CNTNAP5: variants seen among roughly 807,000 people sequenced by gnomAD.
CNTNAP5 encodes contactin associated protein family member 5, also known as contactin-associated protein-like 5.
A neutral mutation model predicts 150.2 loss-of-function variants in CNTNAP5; 72 were observed. The observed-to-expected ratio is 0.48, with a 90% CI of 0.40 to 0.58. The LOEUF is 0.58. CNTNAP5 is among the 20% of genes least tolerant of loss of function. CNTNAP5 has a pLI of 0.00. For missense variants in CNTNAP5, 1,636 were observed against 1,626.2 expected, an observed-to-expected ratio of 1.01 and a Z score of -0.10; for synonymous variants, 672 against 619.8, an observed-to-expected ratio of 1.08 and a Z score of -1.25.
At chr2:124,449,514 T>C (rs1692913285) in intron 6 of CNTNAP5, among the ~76,000 whole-genome samples, 1 of 152,186 alleles carries the variant, frequency 6.6e-6, no homozygotes, top group African/African-American at 2.4e-5. Flanking sequence ...CAAGCCCATG[T>C]CTGCTTATCT....
chr2:124,655,280 T>A (rs181180247), intron 13 of CNTNAP5, among the ~76,000 whole-genome samples: 8 of 152,222 alleles, frequency 5.3e-5, no homozygotes, highest in African/African-American at 1.9e-4. Context: ...TTGCTGAGAA[T>A]GTTGGTTTTC....
chr2:124,693,278 T>C (rs1249287192), intron 13 of CNTNAP5, among the ~76,000 whole-genome samples: 1 of 152,124 alleles, frequency 6.6e-6, no homozygotes, highest in African/African-American at 2.4e-5. Context: ...AAATGTATTC[T>C]TTGACTATGC....
chr2:124,465,467 G>A (rs1693355831), intron 6 of CNTNAP5, among the ~76,000 whole-genome samples: 1 of 152,146 alleles, frequency 6.6e-6, no homozygotes, highest in East Asian at 1.9e-4. Context: ...AGAAAAGAAA[G>A]AGACCGAATT....
chr2:124,179,416 T>G (rs1394515765), intron 1 of CNTNAP5, among the ~76,000 whole-genome samples: 1 of 152,158 alleles, frequency 6.6e-6, no homozygotes, highest in African/African-American at 2.4e-5. Context: ...CGCCTTGACC[T>G]CTTAAAGTGC....
intron 10 of CNTNAP5, among the ~76,000 whole-genome samples, chr2:124,550,798 G>C (rs1040472689): frequency 1.3e-5 from 2 of 151,980 alleles, no homozygotes; most frequent in African/African-American, 2.4e-5. Context: ...AGCTAATAGG[G>C]GGTTCTCTTC....
chr2:124,239,208 C>A (rs1686824574), intron 2 of CNTNAP5, among the ~76,000 whole-genome samples: 2 of 151,970 alleles, frequency 1.3e-5, no homozygotes, highest in Admixed American at 6.6e-5. Flanking sequence ...TTTGGTTTGT[C>A]TTGGTTTGGT....
rs115631290 is a variant in CNTNAP5 at position 124,794,883 on chromosome 2, C to T, written c.2993-3213C>T. On this transcript the variant is annotated intron_variant, in intron 18 of 23. Coordinates refer to ENST00000682447, the MANE Select transcript of CNTNAP5 (RefSeq NM_001367498.1). Reference sequence around the variant, plus strand: ...AAAAGATAAGCACTCATGATAAACACGTAGCCACAGGATCATTATTATAAT... The same window carrying T: ...AAAAGATAAGCACTCATGATAAACATGTAGCCACAGGATCATTATTATAAT... 2.4e-3 allele frequency among the ~76,000 whole-genome samples: 361 copies of T among 152,212 alleles called. 5 individuals are homozygous for T. The highest frequency in any genetic ancestry group is 7.6e-3 in the African/African-American group (317 of 41,526).
chr2:124,669,124 C>T (rs1478294461), intron 13 of CNTNAP5, among the ~76,000 whole-genome samples: 1 of 152,142 alleles, frequency 6.6e-6, no homozygotes. Context: ...TTGCATTATT[C>T]ACTCACTTTC....
At chr2:124,733,297 C>A (rs952661823) in intron 13 of CNTNAP5, among the ~76,000 whole-genome samples, 1 of 151,334 alleles carries the variant, frequency 6.6e-6, no homozygotes, top group African/African-American at 2.4e-5. Flanking sequence ...AGAAATAGCC[C>A]GATATAAGAT....
At chr2:124,140,029 G>A in intron 1 of CNTNAP5, among the ~76,000 whole-genome samples, 1 of 152,134 alleles carries the variant, frequency 6.6e-6, no homozygotes, top group Admixed American at 6.5e-5. Flanking sequence ...AGGGGTGACA[G>A]ACGCACCTGG....
At chr2:124,472,631 T>C (rs896465421) in intron 6 of CNTNAP5, among the ~76,000 whole-genome samples, 4 of 151,544 alleles carry the variant, frequency 2.6e-5, no homozygotes, top group Admixed American at 2.0e-4. Flanking sequence ...TGGATTCCGT[T>C]CCAGACGAAT....
chr2:124,295,943 TA>T (rs1688418770), intron 3 of CNTNAP5, among the ~76,000 whole-genome samples: 1 of 152,208 alleles, frequency 6.6e-6, no homozygotes, highest in South Asian at 2.1e-4. Flanking sequence ...TTTAGGAAAT[TA>T]ATAATAACAA....
At chr2:124,126,584 A>C (rs1004658287) in intron 1 of CNTNAP5, among the ~76,000 whole-genome samples, 10 of 151,854 alleles carry the variant, frequency 6.6e-5, no homozygotes, top group Admixed American at 5.9e-4. Flanking sequence ...CCTGATACCA[A>C]AGCCTGGCAG....
chr2:124,848,840 T>C (rs1235239680), intron 19 of CNTNAP5, among the ~76,000 whole-genome samples: 1 of 152,208 alleles, frequency 6.6e-6, no homozygotes, highest in Non-Finnish European at 1.5e-5. Flanking sequence ...ACTTTTGTCA[T>C]TGTTTATTCT....
chr2:124,813,178 G>A (rs1212812798), intron 19 of CNTNAP5, among the ~76,000 whole-genome samples: 3 of 151,790 alleles, frequency 2.0e-5, no homozygotes, highest in Admixed American at 6.6e-5. Context: ...CTGGGTTCAC[G>A]CCATTTTCCT....
At chr2:124,056,043 C>A (rs777272805) in intron 1 of CNTNAP5, among the ~76,000 whole-genome samples, 2 of 152,166 alleles carry the variant, frequency 1.3e-5, no homozygotes, top group Non-Finnish European at 2.9e-5. Flanking sequence ...TTAAAGCATA[C>A]TTCTTTCCCT....
rs538796535 is a variant in CNTNAP5, at chr2:124,791,693, CTTT to C, written c.2992+1569_2992+1571del. Among the ~76,000 whole-genome samples, 695 of 115,352 alleles carry C rather than the reference CTTT, an allele frequency of 6.0e-3. 4 individuals carry two copies. Among genetic ancestry groups the C allele is most frequent in the African/African-American group, 0.017 (528 of 30,854 alleles). The allele number at this position is 115,352 out of a possible 152,430, so 75.7% of individuals were successfully genotyped here. A position where few individuals can be genotyped will look rare whatever the true frequency, so the allele number is the denominator to read the frequency against. On this transcript the variant is annotated intron_variant, in intron 18 of 23. Coordinates refer to ENST00000682447, the MANE Select transcript of CNTNAP5 (RefSeq NM_001367498.1). ...TATTGTTCTAAATGTAGCCTAATTTCTTTTTTTTTTTTTTTTTTTGGCTCCTTT... is the reference window on the plus strand; with the variant it reads ...TATTGTTCTAAATGTAGCCTAATTTCTTTTTTTTTTTTTTTTGGCTCCTTT...
chr2:124,786,027 G>A (rs550938749), intron 17 of CNTNAP5, among the ~76,000 whole-genome samples: 16 of 152,164 alleles, frequency 1.1e-4, no homozygotes, highest in Admixed American at 9.2e-4. Context: ...CTCGAGCTCA[G>A]CGTTTTGAGA....
At chr2:124,371,210 T>C (rs1690516767) in intron 3 of CNTNAP5, among the ~76,000 whole-genome samples, 1 of 152,152 alleles carries the variant, frequency 6.6e-6, no homozygotes, top group South Asian at 2.1e-4. Flanking sequence ...AGTAACCCTT[T>C]TGCTTTTGCT....
Sources: gnomAD v4.1 joint callset for allele counts (sites outside exome capture counted in the v4.1 genomes callset) on GRCh38, gnomAD v4.1.1 for gene constraint, MANE v1.5 for transcripts, NCBI Gene and HGNC (gene_info 2026-07-23, HGNC 2026-07-21) for gene names.